The following PYGL variants were observed in gnomAD, a reference collection of about 807,000 sequenced individuals.
PYGL encodes glycogen phosphorylase L, also known as glycogen phosphorylase, liver form.
In PYGL, 90 loss-of-function variants were observed where a neutral mutation model predicts 100.1. That is an observed-to-expected ratio of 0.90 (90% confidence interval 0.76 to 1.07). The LOEUF is 1.07. Ranked by LOEUF, PYGL falls within the 50% of genes least tolerant of loss-of-function variation. The pLI is 0.00. For missense variants in PYGL, 1,016 were observed against 1,057.6 expected (o/e 0.96, Z 0.55); for synonymous variants, 373 against 393.0 (o/e 0.95, Z 0.60).
intron 1 of PYGL, among the ~76,000 whole-genome samples, chr14:50,940,901 T>C (rs2050696687): frequency 6.6e-6 from 1 of 152,210 alleles, no homozygotes; most frequent in East Asian, 1.9e-4. Context: ...AACCTGAGAC[T>C]TGCAGGACAG....
chr14:50,931,421 C>T (rs2050599643), intron 4 of PYGL, among the ~76,000 whole-genome samples: 1 of 152,212 alleles, frequency 6.6e-6, no homozygotes, highest in South Asian at 2.1e-4. Context: ...TATATATTTT[C>T]AGAGCACCCT....
chr14:50,923,850 A>G, intron 5 of PYGL, 119 bp downstream of exon 5: 2 of 1,240,546 alleles, frequency 1.6e-6, no homozygotes, highest in South Asian at 2.6e-5. Flanking sequence ...AATATATTCT[A>G]TTATTCAAAA....
At chr14:50,925,218 A>G (rs564427760) in intron 4 of PYGL, among the ~76,000 whole-genome samples, 2 of 152,246 alleles carry the variant, frequency 1.3e-5, no homozygotes, top group Non-Finnish European at 2.9e-5. Flanking sequence ...ATATCTAAAC[A>G]TAGAAATAGT....
At position 50,914,599 on chromosome 14, in the gene PYGL, G is replaced by A. The variant is rs1440366303; in HGVS notation, c.1518+102C>T. 3 of 940,172 alleles carry A rather than the reference G, an allele frequency of 3.2e-6. No individual in the cohort carries two copies. In the African/African-American group the frequency reaches 4.9e-5, roughly 15 times the overall value. 58.2% of individuals were successfully genotyped at this position (940,172 alleles called of 1,614,324 possible). On this transcript the variant is annotated intron_variant, in intron 12 of 19. Coordinates refer to ENST00000216392, the MANE Select transcript of PYGL (RefSeq NM_002863.5). ...GTGACTGCACAAACCACATGCTGAGGAAGCCAGCCCTGCTGCAGACTGGAT... is the reference window on the plus strand; with the variant it reads ...GTGACTGCACAAACCACATGCTGAGAAAGCCAGCCCTGCTGCAGACTGGAT...
chr14:50,908,020 CAAA>C (rs34040095), intron 19 of PYGL: 5,101 of 224,046 alleles, frequency 0.023, no homozygotes, highest in Middle Eastern at 0.039. Flanking sequence ...AGATCTGTCT[CAAA>C]AAAAAAAAAA....
chr14:50,914,565 G>A, intron 12 of PYGL, 136 bp downstream of exon 12: 1 of 688,460 alleles, frequency 1.5e-6, no homozygotes, highest in African/African-American at 1.8e-5. Context: ...ACCCAGCATG[G>A]AGTCCTGTGT....
chr14:50,933,846 C>T (rs1037206002), intron 3 of PYGL, among the ~76,000 whole-genome samples: 10 of 152,144 alleles, frequency 6.6e-5, no homozygotes, highest in Non-Finnish European at 1.5e-4. Flanking sequence ...CAGACACATA[C>T]ATATATATTC....
Position 50,944,454 on chromosome 14 carries a change from G to C in PYGL, c.-51C>G. 6.5e-7 allele frequency: 1 copy of C among 1,545,292 alleles called. No homozygotes were observed. The highest frequency in any genetic ancestry group is 8.7e-7 in the Non-Finnish European group (1 of 1,148,696). On this transcript the variant is annotated 5_prime_UTR_variant, in exon 1 of 20. Transcript: ENST00000216392. ...GGCTGCGCAGAGAGCTGGAAGTGCG[G>C]CCGGAGGCGCTGGGCTGCCGGGCAG...
At chr14:50,934,816 A>G (rs759971257) in intron 3 of PYGL, among the ~76,000 whole-genome samples, 1 of 152,166 alleles carries the variant, frequency 6.6e-6, no homozygotes, top group Non-Finnish European at 1.5e-5. Context: ...AGGGGGTGCT[A>G]GCATAATAAA....
intron 1 of PYGL, among the ~76,000 whole-genome samples, chr14:50,943,700 C>T (rs955117792): frequency 2.6e-5 from 4 of 152,212 alleles, no homozygotes; most frequent in Non-Finnish European, 4.4e-5. Flanking sequence ...GTTTGTCTCC[C>T]CTCCCAAAAT....
At chr14:50,905,931 T>C (rs1173459525) in intron 19 of PYGL, among the ~76,000 whole-genome samples, 1 of 152,226 alleles carries the variant, frequency 6.6e-6, no homozygotes, top group Non-Finnish European at 1.5e-5. Flanking sequence ...GTCTGCTAAA[T>C]GCCATGTCAA....
At chr14:50,937,663 A>T (rs1257398775) in intron 2 of PYGL, 73 bp downstream of exon 2, 2 of 1,406,634 alleles carry the variant, frequency 1.4e-6, no homozygotes, top group Admixed American at 3.4e-5. Flanking sequence ...TTTTTTGTGC[A>T]ATGTCCCCAA....
At chr14:50,915,591 G>A in intron 10 of PYGL, 92 bp from the exon 11 acceptor site, 1 of 1,528,330 alleles carries the variant, frequency 6.5e-7, no homozygotes, top group South Asian at 1.1e-5. Flanking sequence ...AATCTTTGGT[G>A]TACTCAATAT....
intron 18 of PYGL, 147 bp from the exon 19 acceptor site, chr14:50,908,484 C>G: frequency 1.2e-6 from 1 of 829,226 alleles, no homozygotes; most frequent in Non-Finnish European, 2.0e-6. Flanking sequence ...AGACTTTTAA[C>G]CAGCCCTCAA....
At chr14:50,906,551 CG>C (rs1566498396) in intron 19 of PYGL, among the ~76,000 whole-genome samples, 4 of 152,094 alleles carry the variant, frequency 2.6e-5, no homozygotes. Context: ...CAAGAAAGAC[CG>C]AATCAAATGC....
Position 50,914,822 on chromosome 14 carries a change from A to G in PYGL, c.1404-7T>C, listed in dbSNP as rs934797158. 32 of 1,601,298 alleles carry G rather than the reference A, an allele frequency of 2.0e-5. No individual in the cohort carries two copies. Among genetic ancestry groups the G allele is most frequent in the Non-Finnish European group, 2.7e-5 (31 of 1,168,682 alleles). On this transcript the variant is annotated splice_region_variant and splice_polypyrimidine_tract_variant and intron_variant, in intron 11 of 19. Coordinates refer to ENST00000216392, the MANE Select transcript of PYGL (RefSeq NM_002863.5). Reference sequence around the variant, plus strand: ...CTCACTGAAGTCCTTGAATCTGGAGATGGAGGAGACACATCACTGAATTTG... The same window carrying G: ...CTCACTGAAGTCCTTGAATCTGGAGGTGGAGGAGACACATCACTGAATTTG...
rs144989341 is a variant in PYGL at position 50,912,167 on chromosome 14, G to A, written c.1757C>T (p.Thr586Met). Residue 586 changes from threonine to methionine, a missense_variant, in exon 14 of 20, where the codon ACG (threonine) becomes ATG (methionine). Coordinates refer to ENST00000216392, the MANE Select transcript of PYGL (RefSeq NM_002863.5). ...CAGGGCTGACTCACGGTTGTACATC[G>A]TGATCACATGCAGACAGTTCAAGAG... ...RQLLNCLHVI[T>M]MYNRIKKDPK... 942 of 1,614,072 alleles carry A rather than the reference G, an allele frequency of 5.8e-4. 3 individuals are homozygous for A. Among genetic ancestry groups the A allele is most frequent in the Non-Finnish European group, 7.4e-4 (876 of 1,180,052 alleles).
At chr14:50,912,633 C>A (rs1290437507) in intron 13 of PYGL, among the ~76,000 whole-genome samples, 1 of 152,128 alleles carries the variant, frequency 6.6e-6, no homozygotes, top group Non-Finnish European at 1.5e-5. Flanking sequence ...TGAGCCACCG[C>A]GCCCGGCTGG....
At chr14:50,910,982 T>G (rs1449229817) in intron 16 of PYGL, among the ~76,000 whole-genome samples, 1 of 152,226 alleles carries the variant, frequency 6.6e-6, no homozygotes, top group East Asian at 1.9e-4. Context: ...TTTGCATCCC[T>G]AGGAACCTGG....
Sources: allele counts gnomAD v4.1 joint callset (sites outside exome capture counted in the v4.1 genomes callset), GRCh38; gene constraint gnomAD v4.1.1; transcripts MANE v1.5; gene names NCBI Gene and HGNC (gene_info 2026-07-23, HGNC 2026-07-21).